HYDIN: variants seen among roughly 807,000 people sequenced by gnomAD.
HYDIN encodes HYDIN axonemal central pair apparatus protein.
In HYDIN, 132 loss-of-function variants were observed where a neutral mutation model predicts 403.9. The ratio of observed to expected loss-of-function variants is 0.33; its 90% CI spans 0.28 to 0.38. HYDIN has a LOEUF of 0.38. Ranked by LOEUF, HYDIN falls within the 10% of genes least tolerant of loss-of-function variation. HYDIN has a pLI of 1.00. For synonymous variants in HYDIN, 1,202 were observed against 1,891.7 expected, an observed-to-expected ratio of 0.64 and a Z score of 9.46; for missense variants, 2,827 against 5,009.5, an observed-to-expected ratio of 0.56 and a Z score of 13.15.
At chr16:71,004,851 C>T (rs1398396) in intron 23 of HYDIN, among the ~76,000 whole-genome samples, 53,903 of 150,220 alleles carry the variant, frequency 0.36, 12,689 homozygotes, top group African/African-American at 0.67. Flanking sequence ...CAGGACTTAG[C>T]GGGTTCTTAA....
Position 70,840,063 on chromosome 16 carries a change from C to T in HYDIN, c.13043+1G>A. 1.5e-6 allele frequency: 1 copy of T among 662,538 alleles called. No homozygotes were observed. The highest frequency in any genetic ancestry group is 2.6e-6 in the Non-Finnish European group (1 of 391,896). 41.0% of individuals were successfully genotyped at this position (662,538 alleles called of 1,614,324 possible). On this transcript the variant is annotated splice_donor_variant, in intron 76 of 85. Coordinates refer to ENST00000393567, the MANE Select transcript of HYDIN (RefSeq NM_001270974.2). LOFTEE classifies it high-confidence loss of function. ...TTTGGAGGCTCTGGAAGCCTGCTTACCTCATAGGTGTTTCTTCCTTGTTGG... is the reference window on the plus strand; with the variant it reads ...TTTGGAGGCTCTGGAAGCCTGCTTATCTCATAGGTGTTTCTTCCTTGTTGG...
At chr16:70,955,084 C>T (rs978444448) in intron 40 of HYDIN, among the ~76,000 whole-genome samples, 3 of 152,146 alleles carry the variant, frequency 2.0e-5, no homozygotes, top group African/African-American at 4.8e-5. Flanking sequence ...TCTGAGTGAC[C>T]GCATGTCTGC....
At chr16:70,845,926 C>T (rs2038170795) in intron 75 of HYDIN, among the ~76,000 whole-genome samples, 1 of 149,000 alleles carries the variant, frequency 6.7e-6, no homozygotes, top group African/African-American at 2.5e-5. Context: ...TTTGATTCTT[C>T]TTTCTTTTTT....
chr16:70,941,010 G>A (rs1371826084), intron 43 of HYDIN, among the ~76,000 whole-genome samples: 1 of 151,328 alleles, frequency 6.6e-6, no homozygotes, highest in African/African-American at 2.4e-5. Flanking sequence ...CATTACTTGT[G>A]TGTGTGTGTA....
chr16:71,141,922 C>G (rs1366714611), intron 7 of HYDIN, among the ~76,000 whole-genome samples: 1 of 151,386 alleles, frequency 6.6e-6, no homozygotes, highest in Non-Finnish European at 1.5e-5. Flanking sequence ...TTTTCACATA[C>G]TGGAATGTGG....
At chr16:70,880,942 G>C (rs1424367024) in intron 60 of HYDIN, among the ~76,000 whole-genome samples, 1 of 151,356 alleles carries the variant, frequency 6.6e-6, no homozygotes, top group Non-Finnish European at 1.5e-5. Flanking sequence ...AATAAGACTT[G>C]TGGCTGGGTG....
intron 28 of HYDIN, among the ~76,000 whole-genome samples, chr16:70,984,375 A>G (rs1159107475): frequency 6.8e-6 from 1 of 146,654 alleles, no homozygotes; most frequent in Admixed American, 6.8e-5. Flanking sequence ...ACAGAGCCAG[A>G]CATGGTCTTA....
chr16:71,145,513 G>A (rs1299157032), intron 7 of HYDIN, among the ~76,000 whole-genome samples: 2 of 151,988 alleles, frequency 1.3e-5, no homozygotes, highest in Non-Finnish European at 2.9e-5. Flanking sequence ...TTGGCCTCCC[G>A]ATTACAGGCG....
intron 47 of HYDIN, among the ~76,000 whole-genome samples, chr16:70,909,726 C>T (rs1158254958): frequency 1.4e-5 from 2 of 138,900 alleles, no homozygotes; most frequent in African/African-American, 2.8e-5. Context: ...GATAGAGTCT[C>T]GCTTTGTCGC....
intron 10 of HYDIN, among the ~76,000 whole-genome samples, chr16:71,106,391 A>T (rs1597791277): frequency 6.6e-6 from 1 of 152,266 alleles, no homozygotes; most frequent in Middle Eastern, 3.4e-3. Flanking sequence ...TGACATCCCA[A>T]GCCTGAGCTG....
intron 67 of HYDIN, chr16:70,865,411 C>T (rs2039687847): frequency 2.6e-6 from 1 of 383,690 alleles, no homozygotes; most frequent in Non-Finnish European, 5.1e-6. Context: ...GGCTGCCACC[C>T]TCAGATTATG....
chr16:71,030,117 C>A (rs186709509), intron 19 of HYDIN, among the ~76,000 whole-genome samples: 135 of 152,240 alleles, frequency 8.9e-4, no homozygotes, highest in African/African-American at 3.0e-3. Flanking sequence ...GTGGTGTGAT[C>A]CTGGTTCACT....
chr16:70,859,487 C>G (rs1193192319), intron 71 of HYDIN, among the ~76,000 whole-genome samples: 1 of 152,126 alleles, frequency 6.6e-6, no homozygotes, highest in East Asian at 1.9e-4. Flanking sequence ...GTGTGACCCT[C>G]CTGAGGGCAC....
In HYDIN at chr16:71,031,732, A is replaced by G; in HGVS notation, c.2715T>C (p.Thr905=). Residue 905 remains threonine (T), a synonymous_variant, in exon 19 of 86, where the codon ACT becomes ACC. Coordinates refer to ENST00000393567, the MANE Select transcript of HYDIN (RefSeq NM_001270974.2). The stretch of plus-strand genomic sequence containing the variant: ...GAGCAAAGGGCTTATCTGAAACAAT[A>G]GTGGAACCAGTTCCGGAAGCCTGAA... ...IPVQASGTGS[T]IVSDKPFAPE... is the part of the protein sequence containing the mutation. 1 of 1,352,288 alleles carries G rather than the reference A, an allele frequency of 7.4e-7. No individual in the cohort carries two copies. The highest frequency in any genetic ancestry group is 1.0e-6 in the Non-Finnish European group (1 of 957,188). 83.8% of individuals were successfully genotyped at this position (1,352,288 alleles called of 1,614,324 possible). A position where few individuals can be genotyped will look rare whatever the true frequency, so the allele number is the denominator to read the frequency against.
intron 10 of HYDIN, among the ~76,000 whole-genome samples, chr16:71,114,871 T>C (rs1307571570): frequency 2.4e-5 from 2 of 82,044 alleles, no homozygotes; most frequent in Non-Finnish European, 4.9e-5. Context: ...TCTCCTGATG[T>C]CATCATCAGG....
rs574832329 is a variant in HYDIN at position 71,214,869 on chromosome 16, C to G, written c.-24+15693G>C. ...TTCTTTCAGTCCCTCACTCCTCCCC[C>G]GCAATCACTTAGCAAAAATAAACTA... On this transcript the variant is annotated intron_variant, in intron 1 of 85. Transcript: ENST00000393567. Among the ~76,000 whole-genome samples the G allele has an allele frequency of 7.0e-4, 107 of 152,288 alleles. 2 individuals carry two copies. The highest frequency in any genetic ancestry group is 2.5e-3 in the African/African-American group (104 of 41,568).
At chr16:70,979,763 C>G (rs1415652089) in intron 29 of HYDIN, among the ~76,000 whole-genome samples, 1 of 152,072 alleles carries the variant, frequency 6.6e-6, no homozygotes, top group African/African-American at 2.4e-5. Context: ...AAAACCCCGT[C>G]TCTACAAAAA....
At chr16:71,183,468 T>C (rs942630521) in intron 3 of HYDIN, among the ~76,000 whole-genome samples, 3 of 152,136 alleles carry the variant, frequency 2.0e-5, no homozygotes, top group Non-Finnish European at 4.4e-5. Flanking sequence ...AAAAATGTAG[T>C]GTATCCTAAT....
At chr16:71,207,658 A>G (rs1598032219) in intron 1 of HYDIN, among the ~76,000 whole-genome samples, 1 of 152,212 alleles carries the variant, frequency 6.6e-6, no homozygotes, top group Admixed American at 6.5e-5. Flanking sequence ...ACCCAATGGT[A>G]TGCTGTCTTC....
Sources: gnomAD v4.1 joint callset for allele counts (sites outside exome capture counted in the v4.1 genomes callset) on GRCh38, gnomAD v4.1.1 for gene constraint, MANE v1.5 for transcripts, NCBI Gene and HGNC (gene_info 2026-07-23, HGNC 2026-07-21) for gene names.